Variants in ERCC8 observed in about 807,000 individuals in gnomAD.
The protein encoded by ERCC8 is DNA excision repair protein ERCC-8.
ERCC8 carries 52 observed loss-of-function variants against 54.9 expected under a neutral mutation model. The observed-to-expected ratio is 0.95, with a 90% CI of 0.76 to 1.19. The LOEUF is 1.19. ERCC8 is among the 50% of genes most tolerant of loss of function. The pLI is 0.00. For synonymous variants in ERCC8, 146 were observed against 157.2 expected (o/e 0.93, Z 0.53); for missense variants, 514 against 466.1 (o/e 1.10, Z -0.95).
chr5:60,874,706 A>T, intron 11 of ERCC8, 23 bp from the exon 12 acceptor site: 1 of 1,581,976 alleles, frequency 6.3e-7, no homozygotes, highest in Non-Finnish European at 8.6e-7. Context: ...AAGATAAAGA[A>T]AAAGGAAGAT....
rs2112476347 is a variant in ERCC8 at position 60,891,000 on chromosome 5, T to C, written c.930A>G (p.Val310=). The C allele has an allele frequency of 1.2e-6, 2 of 1,613,416 alleles. No individual in the cohort carries two copies. Among genetic ancestry groups the C allele is most frequent in the Non-Finnish European group, 1.7e-6 (2 of 1,179,560 alleles). Residue 310 remains valine (V), a synonymous_variant, in exon 10 of 12, where the codon GTA becomes GTG. Transcript: ENST00000676185. ...SCGCSSEFVF[V]PYGSTIAVYT... Reference sequence around the variant, plus strand: ...AAACAGCAATGGTGCTACCATATGGTACAAAAACAAATTCTGAACTGCAGC... The same window carrying C: ...AAACAGCAATGGTGCTACCATATGGCACAAAAACAAATTCTGAACTGCAGC...
intron 4 of ERCC8, among the ~76,000 whole-genome samples, chr5:60,908,365 A>ACCT (rs770470142): frequency 2.7e-4 from 41 of 151,704 alleles, no homozygotes; most frequent in Non-Finnish European, 4.7e-4. Context: ...TTCAGTGTAG[A>ACCT]CCTCACTCCT....
intron 3 of ERCC8, among the ~76,000 whole-genome samples, chr5:60,920,525 G>A (rs1381585949): frequency 6.6e-6 from 1 of 151,860 alleles, no homozygotes; most frequent in Non-Finnish European, 1.5e-5. Context: ...AACACATTAA[G>A]TATACTAATA....
chr5:60,920,878 A>T (rs1285656640), intron 3 of ERCC8, among the ~76,000 whole-genome samples: 1 of 151,910 alleles, frequency 6.6e-6, no homozygotes, highest in Non-Finnish European at 1.5e-5. Flanking sequence ...TTAATGTTAA[A>T]ATGTTAGCTA....
Position 60,911,043 on chromosome 5 carries a change from GAATTTT to G in ERCC8, c.400-6176_400-6171del, listed in dbSNP as rs1386234128. Among the ~76,000 whole-genome samples, 3 of 151,934 alleles carry G rather than the reference GAATTTT, an allele frequency of 2.0e-5. No individual in the cohort carries two copies. In the East Asian group the frequency reaches 5.8e-4, roughly 29 times the overall value. On this transcript the variant is annotated intron_variant, in intron 4 of 11. Coordinates refer to ENST00000676185, the MANE Select transcript of ERCC8 (RefSeq NM_000082.4). ...TTCTCTTCTATTCCTAGTATGCAGA[GAATTTT>G]ATTTTTATTTTTATATATTTTTTAA... is the stretch of plus-strand genomic sequence containing the variant.
intron 11 of ERCC8, among the ~76,000 whole-genome samples, chr5:60,885,584 C>CT: frequency 6.6e-6 from 1 of 152,202 alleles, no homozygotes; most frequent in East Asian, 1.9e-4. Context: ...GAAGAATATT[C>CT]TGACACCAAA....
chr5:60,923,968 A>G (rs534094517), intron 2 of ERCC8, among the ~76,000 whole-genome samples: 1 of 152,208 alleles, frequency 6.6e-6, no homozygotes, highest in South Asian at 2.1e-4. Flanking sequence ...TCATCACCTT[A>G]GAGTGTACAC....
intron 9 of ERCC8, among the ~76,000 whole-genome samples, chr5:60,895,702 G>A (rs1480594834): frequency 6.6e-6 from 1 of 152,144 alleles, no homozygotes; most frequent in Non-Finnish European, 1.5e-5. Context: ...TGGGGGTGGG[G>A]TGACGAAGAA....
intron 6 of ERCC8, 24 bp from the exon 7 acceptor site, chr5:60,902,532 G>T: frequency 6.3e-7 from 1 of 1,591,882 alleles, no homozygotes; most frequent in Non-Finnish European, 8.6e-7. Flanking sequence ...TATATGAAAA[G>T]TCTTGCAAGA....
intron 8 of ERCC8, among the ~76,000 whole-genome samples, chr5:60,898,855 TTA>T (rs1748793475): frequency 6.6e-6 from 1 of 150,484 alleles, no homozygotes; most frequent in Non-Finnish European, 1.5e-5. Flanking sequence ...ACTTACAAAA[TTA>T]ACAAGTTTGA....
chr5:60,938,349 A>T (rs1750151342), intron 1 of ERCC8, among the ~76,000 whole-genome samples: 1 of 108,766 alleles, frequency 9.2e-6, no homozygotes, highest in African/African-American at 4.2e-5. Context: ...TACCTTTTTG[A>T]ATTTTTTTTT....
intron 2 of ERCC8, chr5:60,924,477 T>G (rs893124034): frequency 5.2e-5 from 8 of 154,574 alleles, no homozygotes; most frequent in Non-Finnish European, 1.5e-5. Flanking sequence ...ACATTTTATT[T>G]CCTTGAGCAT....
At position 60,872,631 on chromosome 5, in the gene ERCC8, G is replaced by C. The variant is rs1444585181; in HGVS notation, c.*1984C>G. 6.6e-6 allele frequency among the ~76,000 whole-genome samples: 1 copy of C among 152,078 alleles called. No individual in the cohort carries two copies. The highest frequency in any genetic ancestry group is 2.4e-5 in the African/African-American group (1 of 41,432). Reference sequence around the variant, plus strand: ...AATGGCTACTATCAATAACACAAAAGATAACAAGTGTTGGCAAGGATGTGA... The same window carrying C: ...AATGGCTACTATCAATAACACAAAACATAACAAGTGTTGGCAAGGATGTGA... On this transcript the variant is annotated 3_prime_UTR_variant, in exon 12 of 12. Transcript: ENST00000676185.
At chr5:60,925,999 A>G (rs1006777951) in intron 2 of ERCC8, among the ~76,000 whole-genome samples, 3 of 151,676 alleles carry the variant, frequency 2.0e-5, no homozygotes, top group South Asian at 4.2e-4. Flanking sequence ...AATTTTTTCT[A>G]TTTTTAGTAG....
chr5:60,904,628 G>GTATATA lies in ERCC8; in HGVS notation c.481+163_481+164insTATATA, dbSNP rs1362263921. 5.3e-4 allele frequency among the ~76,000 whole-genome samples: 36 copies of GTATATA among 67,772 alleles called. 2 individuals are homozygous for GTATATA. Among genetic ancestry groups the GTATATA allele is most frequent in the Non-Finnish European group, 6.7e-4 (21 of 31,406 alleles). 44.5% of individuals were successfully genotyped at this position (67,772 alleles called of 152,430 possible). The stretch of plus-strand genomic sequence containing the variant: ...TATCTGTTGAATATATATAGTGTGT[G>GTATATA]TGTGTGTATATATATATATATATAT... On this transcript the variant is annotated intron_variant, in intron 5 of 11. Transcript: ENST00000676185.
In ERCC8 at chr5:60,891,065, T is replaced by C; in HGVS notation, c.865A>G (p.Asn289Asp). ...NTLVNYGKVC[N>D]NSKKGLKFTV... is the part of the protein sequence containing the mutation. ...AATTTCAATCCTTTTTTACTGTTAT[T>C]ACAAACTTTTCCATAGTTCACCTGT... Residue 289 changes from asparagine to aspartate, a missense_variant, in exon 10 of 12, where the codon AAT becomes GAT. Coordinates refer to ENST00000676185, the MANE Select transcript of ERCC8 (RefSeq NM_000082.4). 6.2e-7 allele frequency: 1 copy of C among 1,611,254 alleles called. No homozygotes were observed. The highest frequency in any genetic ancestry group is 1.3e-5 in the African/African-American group (1 of 75,006).
chr5:60,935,478 GT>G (rs1750037852), intron 1 of ERCC8, among the ~76,000 whole-genome samples: 1 of 152,184 alleles, frequency 6.6e-6, no homozygotes, highest in Non-Finnish European at 1.5e-5. Flanking sequence ...CATGTTATCA[GT>G]AAACAGCAAC....
rs1201174877 is a variant in ERCC8 at position 60,871,863 on chromosome 5, C to T, written c.*2752G>A. Among the ~76,000 whole-genome samples, 3 of 152,220 alleles carry T rather than the reference C, an allele frequency of 2.0e-5. No homozygotes were observed. Among genetic ancestry groups the T allele is most frequent in the African/African-American group, 2.4e-5 (1 of 41,524 alleles). ...TCACCCAGGCTGGAGTGTAGTGACA[C>T]GATCTTGGCTCAATGCAGCCGTGAC... On this transcript the variant is annotated 3_prime_UTR_variant, in exon 12 of 12. Transcript: ENST00000676185.
In ERCC8 at chr5:60,902,445, G is replaced by C; in HGVS notation, c.614C>G (p.Ala205Gly). The change falls in exon 7 of 12, where the codon GCA (alanine) becomes GGA (glycine). Residue 205 changes from alanine (A) to glycine (G), a missense_variant. Ala to Gly is a moderately conservative substitution (Grantham distance 60, BLOSUM62 0). Coordinates refer to ENST00000676185, the MANE Select transcript of ERCC8 (RefSeq NM_000082.4). ...AAGCAAATAAGTTAAATTTTACCTT[G>C]CTGTTGCCAAGATATAGTCATAACG... is the stretch of plus-strand genomic sequence containing the variant. ...SPRYDYILAT[A>G]SADSRVKLWD... 1.2e-6 allele frequency: 2 copies of C among 1,609,616 alleles called. No individual in the cohort carries two copies. The highest frequency in any genetic ancestry group is 1.7e-6 in the Non-Finnish European group (2 of 1,176,640).
Sources: allele counts gnomAD v4.1 joint callset (sites outside exome capture counted in the v4.1 genomes callset), GRCh38; gene constraint gnomAD v4.1.1; transcripts MANE v1.5; gene names NCBI Gene and HGNC (gene_info 2026-07-23, HGNC 2026-07-21).